The following ZBTB37 variants were observed in gnomAD, a reference collection of about 807,000 sequenced individuals.
ZBTB37 encodes zinc finger and BTB domain-containing protein 37.
In ZBTB37, 15 loss-of-function variants were observed where a neutral mutation model predicts 37.7. That is an observed-to-expected ratio of 0.40 (90% CI 0.27 to 0.61). ZBTB37 has a LOEUF of 0.61. ZBTB37 is among the 20% of genes least tolerant of loss of function. The pLI, the probability that ZBTB37 is intolerant of heterozygous loss-of-function variation, is 0.44. For synonymous variants in ZBTB37, 231 were observed against 220.6 expected (o/e 1.05, Z -0.42); for missense variants, 514 against 641.9 (o/e 0.80, Z 2.15).
At chr1:173,902,752 C>G (rs1306444407) in exon 4 of ZBTB37, 1 of 152,152 alleles carries the variant, frequency 6.6e-6, no homozygotes, top group Non-Finnish European at 1.5e-5. Flanking sequence ...AGTGGCTGTT[C>G]CTGGCCCTGA....
chr1:173,870,314 G>A (rs954874852), exon 3 of ZBTB37: 3 of 1,614,216 alleles, frequency 1.9e-6, no homozygotes, highest in African/African-American at 1.3e-5. Context: ...ATGCAGGGCC[G>A]TCTCTGTGAT....
exon 4 of ZBTB37, chr1:173,893,392 A>G (rs1656924960): frequency 1.3e-5 from 2 of 152,236 alleles, no homozygotes; most frequent in African/African-American, 4.8e-5. Flanking sequence ...TTCATTAAGT[A>G]AATATTAAGT....
Position 173,879,040 on chromosome 1 carries a change from G to A in ZBTB37, c.1023+5474G>A, listed in dbSNP as rs1268495428. On this transcript the variant is annotated intron_variant, in intron 4 of 4. Coordinates refer to ENST00000427304, the Ensembl canonical transcript of ZBTB37. ...CGGGAGGTGGAGGTTGCAGTGAGCC[G>A]AGACCATGCCATTGCCCTCCAGCCC... Among the ~76,000 whole-genome samples the A allele has an allele frequency of 4.0e-5, 6 of 149,552 alleles. No homozygotes were observed. The East Asian group carries it at 5.9e-4, about 15-fold the overall frequency.
intron 4 of ZBTB37, among the ~76,000 whole-genome samples, chr1:173,873,939 T>G (rs1268491277): frequency 6.6e-6 from 1 of 152,174 alleles, no homozygotes; most frequent in East Asian, 1.9e-4. Flanking sequence ...AACAATTGGC[T>G]AAAACTCTTA....
At chr1:173,891,042 TATC>T (rs1334719955), downstream of ZBTB37, 1 of 152,210 alleles carries the variant, frequency 6.6e-6, no homozygotes, top group Admixed American at 6.5e-5. Flanking sequence ...TAGATCCTCT[TATC>T]ATAACTCTTT....
chr1:173,873,199 A>G (rs1157857757), intron 3 of ZBTB37, among the ~76,000 whole-genome samples: 9 of 152,186 alleles, frequency 5.9e-5, no homozygotes, highest in Admixed American at 5.2e-4. Context: ...CAGTATTTAT[A>G]TAAGGAAGAA....
At chr1:173,877,373 C>CTTTTTT (rs58043559) in intron 4 of ZBTB37, among the ~76,000 whole-genome samples, 2 of 87,780 alleles carry the variant, frequency 2.3e-5, no homozygotes, top group Non-Finnish European at 4.6e-5. Context: ...GATTTTCTTT[C>CTTTTTT]TTTTTTTTTT....
At chr1:173,883,790 T>C (rs1656466392) in intron 4 of ZBTB37, among the ~76,000 whole-genome samples, 1 of 152,196 alleles carries the variant, frequency 6.6e-6, no homozygotes, top group Non-Finnish European at 1.5e-5. Flanking sequence ...ACTGCCTCTA[T>C]TGGAAAGGCT....
At chr1:173,873,743 A>G (rs2102723008) in intron 4 of ZBTB37, 177 bp downstream of exon 4, 8 of 1,118,392 alleles carry the variant, frequency 7.2e-6, no homozygotes, top group Admixed American at 7.4e-5. Context: ...ATACAGAGAC[A>G]TCACCAGAAA....
At chr1:173,874,337 T>C (rs1655781072) in intron 4 of ZBTB37, among the ~76,000 whole-genome samples, 1 of 146,868 alleles carries the variant, frequency 6.8e-6, no homozygotes, top group Non-Finnish European at 1.5e-5. Flanking sequence ...ATAGAAAACA[T>C]CTTTTTTTTT....
intron 4 of ZBTB37, among the ~76,000 whole-genome samples, chr1:173,879,406 G>A (rs1656173402): frequency 6.6e-6 from 1 of 152,042 alleles, no homozygotes; most frequent in Non-Finnish European, 1.5e-5. Context: ...TTTTCTTTTG[G>A]GGGTCGATGG....
Position 173,874,186 on chromosome 1 carries a change from C to T in ZBTB37, c.1023+620C>T, listed in dbSNP as rs1193939762. Among the ~76,000 whole-genome samples the T allele has an allele frequency of 4.5e-5, 6 of 134,012 alleles. No homozygotes were observed. In the Admixed American group the frequency reaches 4.8e-4, roughly 11 times the overall value. The allele number at this position is 134,012 out of a possible 152,430, so 87.9% of individuals were successfully genotyped here. ...AGGACAATGGCTTGAACCCGGGAGG[C>T]GGAGGTTGCTGTGAGCCGAGATCAC... On this transcript the variant is annotated intron_variant, in intron 4 of 4. Coordinates refer to ENST00000427304, the Ensembl canonical transcript of ZBTB37.
intron 2 of ZBTB37, among the ~76,000 whole-genome samples, chr1:173,869,332 GTTGAAA>G (rs1655329792): frequency 7.8e-6 from 1 of 128,678 alleles, no homozygotes; most frequent in African/African-American, 5.0e-5. Context: ...ATTTTCAGTA[GTTGAAA>G]CTGTACTTTC....
chr1:173,870,225 C>T (rs1429149715), exon 3 of ZBTB37: 1 of 1,604,822 alleles, frequency 6.2e-7, no homozygotes, highest in Non-Finnish European at 8.5e-7. Flanking sequence ...CAGGCACGAC[C>T]ATGGAGAAAG....
chr1:173,871,355 G>T (rs1655547741), intron 3 of ZBTB37, among the ~76,000 whole-genome samples: 1 of 152,206 alleles, frequency 6.6e-6, no homozygotes. Flanking sequence ...TCACAATGTT[G>T]TGAGAACTGT....
exon 3 of ZBTB37, chr1:173,870,992 C>G (rs749020254): frequency 6.2e-7 from 1 of 1,614,216 alleles, no homozygotes; most frequent in East Asian, 2.2e-5. Context: ...TGGCTTGGGC[C>G]TGAGAATCAG....
intron 4 of ZBTB37, among the ~76,000 whole-genome samples, chr1:173,876,521 T>C (rs1019829256): frequency 6.6e-6 from 1 of 152,106 alleles, no homozygotes; most frequent in Non-Finnish European, 1.5e-5. Flanking sequence ...TTTCACCATA[T>C]TGGTCAGGCT....
exon 5 of ZBTB37, chr1:173,886,247 G>A: frequency 7.0e-7 from 1 of 1,420,918 alleles, no homozygotes; most frequent in East Asian, 2.5e-5. Context: ...ATGCTCCCAA[G>A]ATGTTGCCAA....
exon 5 of ZBTB37, chr1:173,886,278 C>G: frequency 8.2e-7 from 1 of 1,214,312 alleles, no homozygotes; most frequent in Non-Finnish European, 1.1e-6. Flanking sequence ...CAGCAACTTA[C>G]ACAAAAGCAC....
Sources: gnomAD v4.1 joint callset for allele counts (sites outside exome capture counted in the v4.1 genomes callset) on GRCh38, gnomAD v4.1.1 for gene constraint, MANE v1.5 for transcripts, NCBI Gene and HGNC (gene_info 2026-07-23, HGNC 2026-07-21) for gene names.